TMEM132B: variants seen among roughly 807,000 people sequenced by gnomAD.
TMEM132B encodes the protein transmembrane protein 132B.
A neutral mutation model predicts 90.8 loss-of-function variants in TMEM132B; 18 were observed. The observed-to-expected ratio is 0.20, with a 90% CI of 0.14 to 0.29. The LOEUF is 0.29. TMEM132B is among the 10% of genes least tolerant of loss of function. TMEM132B has a pLI of 1.00. For synonymous variants in TMEM132B, 504 were observed against 523.3 expected, an observed-to-expected ratio of 0.96 and a Z score of 0.50; for missense variants, 1,096 against 1,326.8, an observed-to-expected ratio of 0.83 and a Z score of 2.70.
chr12:125,214,301 C>T (rs1238409681), intron 1 of TMEM132B, among the ~76,000 whole-genome samples: 1 of 152,220 alleles, frequency 6.6e-6, no homozygotes, highest in African/African-American at 2.4e-5. Context: ...TCTCTCAGCA[C>T]TAGTTTCTTC....
At chr12:125,547,432 G>A (rs756080484) in intron 4 of TMEM132B, among the ~76,000 whole-genome samples, 3 of 152,006 alleles carry the variant, frequency 2.0e-5, no homozygotes, top group Non-Finnish European at 2.9e-5. Context: ...GGCTATTTGT[G>A]TGTTGTCTTT....
intron 1 of TMEM132B, among the ~76,000 whole-genome samples, chr12:125,341,340 T>C (rs1877173828): frequency 6.6e-6 from 1 of 152,212 alleles, no homozygotes; most frequent in African/African-American, 2.4e-5. Context: ...AGTTAATACA[T>C]ATAAAATGCT....
At chr12:125,189,638 T>C (rs1593034696) in intron 1 of TMEM132B, among the ~76,000 whole-genome samples, 1 of 151,996 alleles carries the variant, frequency 6.6e-6, no homozygotes, top group Non-Finnish European at 1.5e-5. Context: ...GGCTGCACAG[T>C]GGAGGTTCCC....
chr12:125,267,766 A>C (rs1002409114), intron 1 of TMEM132B, among the ~76,000 whole-genome samples: 2 of 152,178 alleles, frequency 1.3e-5, no homozygotes, highest in East Asian at 3.8e-4. Context: ...GAGAATATCA[A>C]CTTAGAGTTA....
At chr12:125,560,302 AAG>A (rs1481314105) in intron 4 of TMEM132B, among the ~76,000 whole-genome samples, 2 of 152,210 alleles carry the variant, frequency 1.3e-5, no homozygotes, top group African/African-American at 4.8e-5. Flanking sequence ...ACCTGGACCC[AAG>A]AGAGAGCAGA....
intron 1 of TMEM132B, among the ~76,000 whole-genome samples, chr12:125,219,482 C>G (rs1451526955): frequency 6.6e-6 from 1 of 152,150 alleles, no homozygotes; most frequent in Non-Finnish European, 1.5e-5. Context: ...AACTGTCCTT[C>G]CCCTAGGCAC....
chr12:125,260,922 T>TTGTGTG (rs60739492), intron 1 of TMEM132B, among the ~76,000 whole-genome samples: 4,136 of 148,204 alleles, frequency 0.028, 102 homozygotes, highest in East Asian at 0.12. Context: ...TCTCTACAGA[T>TTGTGTG]TGTGTGTGTG....
intron 1 of TMEM132B, among the ~76,000 whole-genome samples, chr12:125,283,487 T>C (rs1875258018): frequency 6.6e-6 from 1 of 152,108 alleles, no homozygotes; most frequent in Admixed American, 6.6e-5. Flanking sequence ...CAGCTGTCCT[T>C]GATAAAGGAA....
intron 4 of TMEM132B, among the ~76,000 whole-genome samples, chr12:125,563,318 G>A (rs1339491940): frequency 4.6e-5 from 7 of 152,030 alleles, no homozygotes; most frequent in Non-Finnish European, 5.9e-5. Context: ...TGTAAAGAAC[G>A]CAGTATCTGG....
At chr12:125,494,925 T>C (rs1379769963) in intron 3 of TMEM132B, among the ~76,000 whole-genome samples, 3 of 92,022 alleles carry the variant, frequency 3.3e-5, no homozygotes, top group Admixed American at 1.3e-4. Flanking sequence ...TGGAAATGGG[T>C]GCGTCCCTCT....
At chr12:125,212,181 A>G (rs538887881) in intron 1 of TMEM132B, among the ~76,000 whole-genome samples, 3 of 152,146 alleles carry the variant, frequency 2.0e-5, no homozygotes, top group Non-Finnish European at 4.4e-5. Context: ...TTCCTATCCC[A>G]GTGCGGAATT....
In TMEM132B at chr12:125,239,480, G is replaced by T. The variant is rs1160580955; in HGVS notation, c.67+52614G>T. Among the ~76,000 whole-genome samples the T allele has an allele frequency of 1.3e-5, 2 of 152,174 alleles. 1 individual carries two copies. Among genetic ancestry groups the T allele is most frequent in the African/African-American group, 4.8e-5 (2 of 41,438 alleles). ...ATCCAGGAACTTAGGGAGTTCCACT[G>T]GATCCTCGTCTCTTTCTTTTCATCT... On this transcript the variant is annotated intron_variant, in intron 1 of 8. Transcript: ENST00000682704.
intron 1 of TMEM132B, among the ~76,000 whole-genome samples, chr12:125,313,805 C>T (rs910004925): frequency 2.7e-5 from 4 of 147,026 alleles, no homozygotes; most frequent in African/African-American, 1.0e-4. Flanking sequence ...TCAGAAGGAC[C>T]CCAAACTTTG....
chr12:125,596,819 C>G (rs923090739), intron 5 of TMEM132B, among the ~76,000 whole-genome samples: 6 of 152,322 alleles, frequency 3.9e-5, no homozygotes, highest in Non-Finnish European at 8.8e-5. Flanking sequence ...TCCTTTGTGT[C>G]TAACAAATGA....
At chr12:125,581,827 C>T (rs904744186) in intron 4 of TMEM132B, among the ~76,000 whole-genome samples, 1 of 151,918 alleles carries the variant, frequency 6.6e-6, no homozygotes, top group Non-Finnish European at 1.5e-5. Flanking sequence ...CATATCATTA[C>T]CCCACCTAGG....
intron 3 of TMEM132B, among the ~76,000 whole-genome samples, chr12:125,453,248 G>A (rs1284880621): frequency 1.3e-5 from 2 of 152,098 alleles, no homozygotes; most frequent in Admixed American, 1.3e-4. Context: ...TGCAAAAGGA[G>A]TTGCCTTTTT....
chr12:125,409,636 TGGA>T lies in TMEM132B; in HGVS notation c.960-5890_960-5888del, dbSNP rs1343518837. The stretch of plus-strand genomic sequence containing the variant: ...AGTGGAGTGGAGGAGTGGAGTGGAG[TGGA>T]GGAGTGGAGTGGAGTGGAGTGGAGT... On this transcript the variant is annotated intron_variant, in intron 2 of 8. Transcript: ENST00000682704. Among the ~76,000 whole-genome samples the T allele has an allele frequency of 4.1e-3, 128 of 31,416 alleles. 6 individuals carry two copies. The highest frequency in any genetic ancestry group is 8.1e-3 in the East Asian group (12 of 1,478). 20.6% of individuals were successfully genotyped at this position (31,416 alleles called of 152,430 possible).
At chr12:125,300,441 C>T (rs1875793020) in intron 1 of TMEM132B, among the ~76,000 whole-genome samples, 1 of 152,138 alleles carries the variant, frequency 6.6e-6, no homozygotes, top group Non-Finnish European at 1.5e-5. Flanking sequence ...TCAGATGGCA[C>T]CTTGGCCCCT....
At chr12:125,494,623 C>T (rs927164339) in intron 3 of TMEM132B, among the ~76,000 whole-genome samples, 2 of 137,994 alleles carry the variant, frequency 1.4e-5, no homozygotes, top group Non-Finnish European at 3.1e-5. Flanking sequence ...TCCCTCCTCC[C>T]CCTCCTCCCT....
Sources: gnomAD v4.1 joint callset for allele counts (sites outside exome capture counted in the v4.1 genomes callset) on GRCh38, gnomAD v4.1.1 for gene constraint, MANE v1.5 for transcripts, NCBI Gene and HGNC (gene_info 2026-07-23, HGNC 2026-07-21) for gene names.